CSPP1: variants seen among roughly 807,000 people sequenced by gnomAD.
CSPP1 encodes the protein centrosome and spindle pole-associated protein 1.
In CSPP1, 126 loss-of-function variants were observed where a neutral mutation model predicts 164.4. The ratio of observed to expected loss-of-function variants is 0.77; its 90% CI spans 0.66 to 0.89. The LOEUF is 0.89. Among genes scored for constraint, CSPP1 ranks in the 40% least tolerant of loss-of-function variants. The pLI is 0.00. For synonymous variants in CSPP1, 472 were observed against 476.7 expected, an observed-to-expected ratio of 0.99 and a Z score of 0.13; for missense variants, 1,395 against 1,449.8, an observed-to-expected ratio of 0.96 and a Z score of 0.61.
At chr8:67,166,725 C>T (rs942070585) in intron 24 of CSPP1, among the ~76,000 whole-genome samples, 2 of 149,396 alleles carry the variant, frequency 1.3e-5, no homozygotes, top group African/African-American at 2.5e-5. Flanking sequence ...TTCAGTTTAA[C>T]GGTTTTTTTT....
At position 67,106,095 on chromosome 8, in the gene CSPP1, T is replaced by C. The variant is rs528638118; in HGVS notation, c.1093+120T>C. On this transcript the variant is annotated intron_variant, in intron 9 of 30. Coordinates refer to ENST00000678616, the MANE Select transcript of CSPP1 (RefSeq NM_001382391.1). ...ACTAATAGTAGAAAATATTTGTAAG[T>C]GCTTACTTTACACTAGGTACTATTC... 265 of 622,424 alleles carry C rather than the reference T, an allele frequency of 4.3e-4. 5 individuals are homozygous for C. The highest frequency in any genetic ancestry group is 9.4e-4 in the Admixed American group (33 of 35,142). The allele number at this position is 622,424 out of a possible 1,614,324, so 38.6% of individuals were successfully genotyped here. A position where few individuals can be genotyped will look rare whatever the true frequency, so the allele number is the denominator to read the frequency against.
At chr8:67,192,849 A>G (rs1836762368) in intron 29 of CSPP1, among the ~76,000 whole-genome samples, 2 of 152,152 alleles carry the variant, frequency 1.3e-5, no homozygotes, top group African/African-American at 2.4e-5. Context: ...ATTGATCTAC[A>G]TGTCTTTTCT....
chr8:67,146,858 T>C (rs1336366416), intron 17 of CSPP1, among the ~76,000 whole-genome samples: 1 of 152,248 alleles, frequency 6.6e-6, no homozygotes, highest in East Asian at 1.9e-4. Flanking sequence ...AATAAAGTCC[T>C]ATCTTTGCAG....
At chr8:67,095,202 G>A (rs1586028348) in intron 6 of CSPP1, 91 bp from the exon 7 acceptor site, 5 of 657,062 alleles carry the variant, frequency 7.6e-6, no homozygotes, top group African/African-American at 5.5e-5. Flanking sequence ...GAGTTGAAAT[G>A]ATAGACTAAG....
chr8:67,195,001 G>T (rs1837571903), intron 30 of CSPP1, among the ~76,000 whole-genome samples: 1 of 152,126 alleles, frequency 6.6e-6, no homozygotes, highest in Non-Finnish European at 1.5e-5. Context: ...AAAAAAGAAA[G>T]AAATTTTATG....
Position 67,116,045 on chromosome 8 carries a change from A to G in CSPP1, c.1419A>G (p.Ser473=), listed in dbSNP as rs1817865770. 1 of 1,614,122 alleles carries G rather than the reference A, an allele frequency of 6.2e-7. No individual in the cohort carries two copies. Among genetic ancestry groups the G allele is most frequent in the Non-Finnish European group, 8.5e-7 (1 of 1,179,984 alleles). The change falls in exon 13 of 31, where the codon TCA becomes TCG. Residue 473 remains serine (S), a synonymous_variant. Coordinates refer to ENST00000678616, the MANE Select transcript of CSPP1 (RefSeq NM_001382391.1). Reference sequence around the variant, plus strand: ...CCCCATCTGTCCCACCCATCCCATCAGTTCATCCTGTTCCTTCTCAAAATG... The same window carrying G: ...CCCCATCTGTCCCACCCATCCCATCGGTTCATCCTGTTCCTTCTCAAAATG... The part of the protein sequence containing the change: ...LSAPSVPPIP[S]VHPVPSQNED...
Position 67,185,602 on chromosome 8 carries a change from G to T in CSPP1, c.3221-5048G>T, listed in dbSNP as rs1246246750. On this transcript the variant is annotated intron_variant, in intron 28 of 30. Coordinates refer to ENST00000678616, the MANE Select transcript of CSPP1 (RefSeq NM_001382391.1). ...TATTAGTTGACAGCAATTAGTAGCTGTGGAGGAAGATGCAGAGTCAGAAGA... is the reference window on the plus strand; with the variant it reads ...TATTAGTTGACAGCAATTAGTAGCTTTGGAGGAAGATGCAGAGTCAGAAGA... Among the ~76,000 whole-genome samples the T allele has an allele frequency of 2.0e-5, 3 of 152,180 alleles. No individual in the cohort carries two copies. The East Asian group carries it at 5.8e-4, about 29-fold the overall frequency.
chr8:67,158,970 A>G (rs374900833), intron 20 of CSPP1, 21 bp from the exon 21 acceptor site: 32 of 1,568,592 alleles, frequency 2.0e-5, no homozygotes, highest in Non-Finnish European at 2.8e-5. Flanking sequence ...TGGAATGCAT[A>G]TTTCTCTTTT....
At chr8:67,075,618 G>A (rs1807752774) in intron 2 of CSPP1, among the ~76,000 whole-genome samples, 1 of 152,208 alleles carries the variant, frequency 6.6e-6, no homozygotes, top group Non-Finnish European at 1.5e-5. Context: ...GTGGAACTAG[G>A]CTTTGACCCC....
intron 9 of CSPP1, among the ~76,000 whole-genome samples, chr8:67,111,738 T>C (rs948680028): frequency 2.0e-5 from 3 of 152,194 alleles, no homozygotes; most frequent in Non-Finnish European, 4.4e-5. Context: ...AATTTTTGAC[T>C]AATGGTAGAG....
chr8:67,194,911 A>G (rs751050401), intron 30 of CSPP1, among the ~76,000 whole-genome samples: 7 of 152,158 alleles, frequency 4.6e-5, no homozygotes, highest in Non-Finnish European at 4.4e-5. Flanking sequence ...TGTTTTCCCA[A>G]AATAACTTAA....
At chr8:67,191,811 C>T (rs907233313) in intron 29 of CSPP1, among the ~76,000 whole-genome samples, 5 of 152,112 alleles carry the variant, frequency 3.3e-5, no homozygotes, top group African/African-American at 1.2e-4. Flanking sequence ...TTGTATTTAG[C>T]ATTTTGAGGA....
intron 3 of CSPP1, 53 bp downstream of exon 3, chr8:67,076,634 C>G: frequency 2.0e-6 from 2 of 980,180 alleles, no homozygotes; most frequent in Non-Finnish European, 3.1e-6. Context: ...GTGGGCTCTT[C>G]TGAAAGAGGT....
Position 67,086,347 on chromosome 8 carries a change from A to G in CSPP1, c.303+237A>G, listed in dbSNP as rs541411048. On this transcript the variant is annotated intron_variant, in intron 4 of 30. Transcript: ENST00000678616. ...CCTTTTGACTAAGGCAGTGGATTCT[A>G]ATTTTAAGTGAGATCGTTAATTATG... The G allele has an allele frequency of 1.9e-5, 10 of 532,760 alleles. No homozygotes were observed. The East Asian group carries it at 3.8e-4, about 20-fold the overall frequency. 33.0% of individuals were successfully genotyped at this position (532,760 alleles called of 1,614,324 possible).
chr8:67,132,120 GT>G, intron 16 of CSPP1, 40 bp downstream of exon 16: 1 of 1,575,126 alleles, frequency 6.3e-7, no homozygotes, highest in Non-Finnish European at 8.6e-7. Flanking sequence ...AACCTCTTAA[GT>G]GTAAGCATGG....
At chr8:67,175,627 G>T in intron 26 of CSPP1, 191 bp downstream of exon 26, 6 of 711,330 alleles carry the variant, frequency 8.4e-6, no homozygotes, top group Non-Finnish European at 1.3e-5. Context: ...GCTCCACTAG[G>T]GTGGTGTATT....
At chr8:67,133,716 A>G (rs1337517595) in intron 16 of CSPP1, 1 of 152,224 alleles carries the variant, frequency 6.6e-6, no homozygotes, top group Non-Finnish European at 1.5e-5. Context: ...TCTGTAGGAT[A>G]CGATGCTGTT....
chr8:67,104,966 A>ATATATATATT (rs1247108884), intron 8 of CSPP1, among the ~76,000 whole-genome samples: 4 of 60,746 alleles, frequency 6.6e-5, no homozygotes, highest in African/African-American at 2.8e-4. Flanking sequence ...ATATATATAT[A>ATATATATATT]TTTTTTTTTT....
intron 7 of CSPP1, among the ~76,000 whole-genome samples, chr8:67,099,821 T>C (rs539398137): frequency 4.6e-5 from 7 of 152,302 alleles, no homozygotes; most frequent in Non-Finnish European, 1.0e-4. Context: ...ATTGTAGGGA[T>C]ATTTTAATAG....
Sources: gnomAD v4.1 joint callset for allele counts (sites outside exome capture counted in the v4.1 genomes callset) on GRCh38, gnomAD v4.1.1 for gene constraint, MANE v1.5 for transcripts, NCBI Gene and HGNC (gene_info 2026-07-23, HGNC 2026-07-21) for gene names.